SLC25A21: variants seen among roughly 807,000 people sequenced by gnomAD.
SLC25A21 encodes the protein solute carrier family 25 member 21.
Under a neutral mutation model 43.8 loss-of-function variants are expected in SLC25A21, and 47 were observed. That is an observed-to-expected ratio of 1.07 (90% confidence interval 0.85 to 1.37). SLC25A21 has a LOEUF of 1.37. SLC25A21 is among the 40% of genes most tolerant of loss of function. The probability of loss-of-function intolerance (pLI) is 0.00; values close to 1 mark genes in which losing one functional copy is unlikely to be tolerated. For missense variants in SLC25A21, 352 were observed against 350.2 expected (o/e 1.00, Z -0.04); for synonymous variants, 131 against 121.3 (o/e 1.08, Z -0.52).
chr14:36,985,396 A>G (rs1000499461), intron 1 of SLC25A21, among the ~76,000 whole-genome samples: 1 of 152,052 alleles, frequency 6.6e-6, no homozygotes, highest in Non-Finnish European at 1.5e-5. Context: ...TAAAAATAAT[A>G]ATAATAATAA....
intron 1 of SLC25A21, among the ~76,000 whole-genome samples, chr14:37,117,506 C>T (rs1427138721): frequency 2.6e-5 from 4 of 152,054 alleles, no homozygotes; most frequent in African/African-American, 7.2e-5. Flanking sequence ...TTCTATACAT[C>T]CCTTAAGTCG....
At chr14:36,714,202 T>C (rs1884019242) in intron 6 of SLC25A21, among the ~76,000 whole-genome samples, 2 of 152,184 alleles carry the variant, frequency 1.3e-5, no homozygotes, top group African/African-American at 4.8e-5. Flanking sequence ...GGTGATTTCT[T>C]TGTTAGTTGA....
At chr14:36,812,039 A>G (rs938607682) in intron 3 of SLC25A21, among the ~76,000 whole-genome samples, 11 of 152,210 alleles carry the variant, frequency 7.2e-5, no homozygotes, top group African/African-American at 2.7e-4. Flanking sequence ...TAGTCAAAGG[A>G]TTAGTATCTA....
intron 3 of SLC25A21, among the ~76,000 whole-genome samples, chr14:36,783,448 G>A (rs1005225203): frequency 1.3e-5 from 2 of 151,992 alleles, no homozygotes; most frequent in Non-Finnish European, 2.9e-5. Flanking sequence ...TGTCTTCCTT[G>A]GTCTCAGCCT....
intron 1 of SLC25A21, among the ~76,000 whole-genome samples, chr14:36,903,101 C>T (rs547315885): frequency 2.0e-5 from 3 of 152,300 alleles, no homozygotes; most frequent in Admixed American, 2.0e-4. Flanking sequence ...CCAATTTAAA[C>T]AGAGTGTAGA....
At chr14:37,033,217 C>CT (rs1961257585) in intron 1 of SLC25A21, among the ~76,000 whole-genome samples, 1 of 152,174 alleles carries the variant, frequency 6.6e-6, no homozygotes, top group South Asian at 2.1e-4. Context: ...TGGAATCATA[C>CT]TGTCTTTTTG....
chr14:36,974,134 A>G (rs1959816779), intron 1 of SLC25A21, among the ~76,000 whole-genome samples: 1 of 152,192 alleles, frequency 6.6e-6, no homozygotes, highest in South Asian at 2.1e-4. Context: ...TATTTGTTTG[A>G]AAGATGGAAG....
chr14:37,147,524 C>T (rs1432370439), intron 1 of SLC25A21, among the ~76,000 whole-genome samples: 1 of 152,038 alleles, frequency 6.6e-6, no homozygotes, highest in East Asian at 1.9e-4. Flanking sequence ...CTCTTAAAAC[C>T]TCCAGGGAAG....
At chr14:37,036,405 AAC>A (rs1418744487) in intron 1 of SLC25A21, among the ~76,000 whole-genome samples, 17 of 140,436 alleles carry the variant, frequency 1.2e-4, no homozygotes, top group Non-Finnish European at 2.6e-4. Flanking sequence ...TAAGCCTTTT[AAC>A]ACACACAGTA....
chr14:36,872,725 C>T lies in SLC25A21; in HGVS notation c.119+2231G>A, dbSNP rs142398332. Among the ~76,000 whole-genome samples, 372 of 152,328 alleles carry T rather than the reference C, an allele frequency of 2.4e-3. 1 individual carries two copies. Among genetic ancestry groups the T allele is most frequent in the Middle Eastern group, 0.017 (5 of 294 alleles). On this transcript the variant is annotated intron_variant, in intron 2 of 9. Transcript: ENST00000331299. ...CCTCCCTGCTGAAGTTAGGCAAAGT[C>T]ATGTGACTAACTCTAATGAATGAAT... is the stretch of plus-strand genomic sequence containing the variant.
chr14:36,829,346 A>T (rs954497458), intron 2 of SLC25A21, among the ~76,000 whole-genome samples: 1 of 152,150 alleles, frequency 6.6e-6, no homozygotes, highest in African/African-American at 2.4e-5. Context: ...TGGGTTTGGC[A>T]TATTTATTCA....
chr14:36,956,028 G>A (rs1006632407), intron 1 of SLC25A21, among the ~76,000 whole-genome samples: 10 of 152,074 alleles, frequency 6.6e-5, no homozygotes, highest in African/African-American at 2.4e-4. Context: ...AAAATCTGAT[G>A]TGCATTCTTT....
At chr14:37,047,657 G>C (rs968245262) in intron 1 of SLC25A21, among the ~76,000 whole-genome samples, 3 of 152,162 alleles carry the variant, frequency 2.0e-5, no homozygotes, top group Non-Finnish European at 4.4e-5. Flanking sequence ...GTTTTGAAAC[G>C]AATCAGTAAA....
intron 5 of SLC25A21, among the ~76,000 whole-genome samples, chr14:36,727,416 A>G (rs938465004): frequency 1.3e-5 from 2 of 152,250 alleles, no homozygotes; most frequent in African/African-American, 4.8e-5. Context: ...GGCCAGGTGC[A>G]ATGGCTCACG....
At chr14:37,048,074 C>T (rs1216449933) in intron 1 of SLC25A21, among the ~76,000 whole-genome samples, 1 of 152,148 alleles carries the variant, frequency 6.6e-6, no homozygotes, top group African/African-American at 2.4e-5. Context: ...TTCAAACGCT[C>T]CTTTCCAGGT....
chr14:37,005,421 T>C (rs1960580416), intron 1 of SLC25A21, among the ~76,000 whole-genome samples: 3 of 152,172 alleles, frequency 2.0e-5, no homozygotes, highest in East Asian at 3.8e-4. Context: ...CAGAGCTACG[T>C]CAGTATTTGT....
intron 3 of SLC25A21, among the ~76,000 whole-genome samples, chr14:36,791,823 C>A (rs1383765144): frequency 6.6e-6 from 1 of 152,074 alleles, no homozygotes; most frequent in Non-Finnish European, 1.5e-5. Context: ...ATTTAAGAGT[C>A]AACTTTGGGA....
chr14:36,874,915 A>G (rs754980502), intron 2 of SLC25A21, 41 bp downstream of exon 2: 2 of 1,573,490 alleles, frequency 1.3e-6, no homozygotes, highest in African/African-American at 1.4e-5. Context: ...TAATTTGGAT[A>G]TTAGCCAAAG....
intron 3 of SLC25A21, among the ~76,000 whole-genome samples, chr14:36,774,734 T>C (rs1384890127): frequency 1.3e-5 from 2 of 152,306 alleles, no homozygotes; most frequent in African/African-American, 4.8e-5. Context: ...CCCAGCTAAT[T>C]TGTTATTTTT....
Sources: allele counts gnomAD v4.1 joint callset (sites outside exome capture counted in the v4.1 genomes callset), GRCh38; gene constraint gnomAD v4.1.1; transcripts MANE v1.5; gene names NCBI Gene and HGNC (gene_info 2026-07-23, HGNC 2026-07-21).